The following SMARCB1 variants were observed in gnomAD, a reference collection of about 807,000 sequenced individuals.
SMARCB1 encodes the protein SWI/SNF-related matrix-associated actin-dependent regulator of chromatin subfamily B member 1.
Under a neutral mutation model 49.0 loss-of-function variants are expected in SMARCB1, and 5 were observed. The ratio of observed to expected loss-of-function variants is 0.10; its 90% confidence interval spans 0.05 to 0.21. The LOEUF (loss-of-function observed/expected upper bound fraction) is 0.21. SMARCB1 is among the 10% of genes least tolerant of loss of function. The pLI is 1.00. For missense variants in SMARCB1, 226 were observed against 509.2 expected (o/e 0.44, Z 5.35); for synonymous variants, 201 against 200.1 (o/e 1.00, Z -0.04).
At chr22:23,799,679 A>ATTTTTTTTCTTTT (rs1929015668) in intron 3 of SMARCB1, among the ~76,000 whole-genome samples, 1 of 68,406 alleles carries the variant, frequency 1.5e-5, no homozygotes, top group Non-Finnish European at 2.7e-5. Context: ...CACCTGGCTA[A>ATTTTTTTTCTTTT]TTTTTTTTTT....
intron 7 of SMARCB1, among the ~76,000 whole-genome samples, chr22:23,830,018 C>T (rs1373915329): frequency 6.6e-6 from 1 of 152,206 alleles, no homozygotes; most frequent in African/African-American, 2.4e-5. Flanking sequence ...TGAATATTAT[C>T]TCATTGCATG....
rs766691500 is a variant in SMARCB1 at position 23,800,932 on chromosome 22, G to A, written c.363-12G>A. The A allele has an allele frequency of 6.2e-6, 10 of 1,609,490 alleles. No individual in the cohort carries two copies. The highest frequency in any genetic ancestry group is 2.2e-5 in the East Asian group (1 of 44,870). On this transcript the variant is annotated splice_polypyrimidine_tract_variant and intron_variant, in intron 3 of 8. Coordinates refer to ENST00000644036, the MANE Select transcript of SMARCB1 (RefSeq NM_003073.5). ...TATACTGACTGGGAGGACTTTTCTT[G>A]TATCTCCTCAGGGAACAGAAGGCCA...
chr22:23,807,222 G>A (rs1844118426), intron 5 of SMARCB1, among the ~76,000 whole-genome samples: 1 of 152,228 alleles, frequency 6.6e-6, no homozygotes, highest in Non-Finnish European at 1.5e-5. Flanking sequence ...AGGCAAAGGA[G>A]TGATTAGGGC....
chr22:23,787,231 A>G lies in SMARCB1; in HGVS notation c.62A>G (p.Asp21Gly), dbSNP rs2145952092. 6.2e-7 allele frequency: 1 copy of G among 1,607,852 alleles called. No individual in the cohort carries two copies. Residue 21 changes from aspartate to glycine, a missense_variant, in exon 1 of 9, where the codon GAC becomes GGC. Asp to Gly is a moderately conservative substitution (Grantham distance 94). Around this residue, in one of 6 missense-constraint regions of SMARCB1, gnomAD observed 37 missense variants for 36.9 expected, o/e 1.00. Transcript: ENST00000644036. ...AAGCCCGTGAAGTTCCAGCTGGAGGACGACGGCGAGTTCTACATGATCGGC... is the reference window on the plus strand; with the variant it reads ...AAGCCCGTGAAGTTCCAGCTGGAGGGCGACGGCGAGTTCTACATGATCGGC... ...GQKPVKFQLE[D>G]DGEFYMIGSE...
rs35584578 is a variant in SMARCB1 at position 23,831,952 on chromosome 22, C to T, written c.987-1620C>T. Among the ~76,000 whole-genome samples, 296 of 152,288 alleles carry T rather than the reference C, an allele frequency of 1.9e-3. 1 individual carries two copies. The highest frequency in any genetic ancestry group is 6.3e-3 in the African/African-American group (262 of 41,546). On this transcript the variant is annotated intron_variant, in intron 7 of 8. Coordinates refer to ENST00000644036, the MANE Select transcript of SMARCB1 (RefSeq NM_003073.5). ...TGGCCCTGCCTCTGCGTCACCAGTA[C>T]GAGCTTGAGCTTCTGCGACTCATGA...
intron 7 of SMARCB1, among the ~76,000 whole-genome samples, chr22:23,829,582 G>T (rs1308049236): frequency 2.0e-5 from 3 of 152,196 alleles, no homozygotes; most frequent in Non-Finnish European, 4.4e-5. Flanking sequence ...GTACACGTTG[G>T]GCTGGTTGAG....
intron 2 of SMARCB1, chr22:23,792,186 G>A (rs935042841): frequency 2.4e-6 from 1 of 420,774 alleles, no homozygotes; most frequent in African/African-American, 2.0e-5. Flanking sequence ...TTTTAGGAAT[G>A]CTGCGATGCT....
At chr22:23,832,946 T>C (rs2030734761) in intron 7 of SMARCB1, among the ~76,000 whole-genome samples, 1 of 151,910 alleles carries the variant, frequency 6.6e-6, no homozygotes, top group African/African-American at 2.4e-5. Flanking sequence ...GGTCCGGGGA[T>C]ACGGCTTCTG....
At chr22:23,799,512 G>GT (rs533099329) in intron 3 of SMARCB1, among the ~76,000 whole-genome samples, 70,177 of 107,764 alleles carry the variant, frequency 0.65, 24,685 homozygotes, top group Non-Finnish European at 0.75. Context: ...TCACCTTTTG[G>GT]TTTTTTTTTT....
chr22:23,803,069 TA>T (rs1311517874), intron 4 of SMARCB1: 10 of 628,580 alleles, frequency 1.6e-5, no homozygotes, highest in Non-Finnish European at 2.9e-5. Context: ...AGGTCGATTC[TA>T]TTGCAGACAG....
chr22:23,829,762 A>C (rs889128586), intron 7 of SMARCB1, among the ~76,000 whole-genome samples: 13 of 152,322 alleles, frequency 8.5e-5, no homozygotes, highest in Admixed American at 5.9e-4. Context: ...CTGTGTAACT[A>C]TCACCACTGT....
chr22:23,791,646 G>A, intron 1 of SMARCB1, 110 bp from the exon 2 acceptor site: 2 of 1,054,438 alleles, frequency 1.9e-6, no homozygotes, highest in Non-Finnish European at 2.9e-6. Flanking sequence ...TGGCGCCTGG[G>A]GGCCACCTCA....
At chr22:23,792,886 A>G (rs1339391195) in intron 2 of SMARCB1, 2 of 163,284 alleles carry the variant, frequency 1.2e-5, no homozygotes, top group Admixed American at 1.1e-4. Context: ...CTTGGGAGAT[A>G]CCTTCCCCAT....
chr22:23,802,978 T>A, intron 4 of SMARCB1: 1 of 453,448 alleles, frequency 2.2e-6, no homozygotes. Context: ...TCCTTTCCCA[T>A]AGCCTTCCAT....
At position 23,824,835 on chromosome 22, in the gene SMARCB1, AG is replaced by A. The variant is rs1483695795; in HGVS notation, c.796-387del. The A allele has an allele frequency of 9.1e-5, 30 of 328,544 alleles. No homozygotes were observed. In the East Asian group the frequency reaches 1.7e-3, roughly 19 times the overall value. 20.4% of individuals were successfully genotyped at this position (328,544 alleles called of 1,614,324 possible). A position where few individuals can be genotyped will look rare whatever the true frequency, so the allele number is the denominator to read the frequency against. The stretch of plus-strand genomic sequence containing the variant: ...TAGACATTGGCTCAAGACAGGGCTT[AG>A]GGATGCCTTAGCTGAGCCCTGCCTT... On this transcript the variant is annotated intron_variant, in intron 6 of 8. Coordinates refer to ENST00000644036, the MANE Select transcript of SMARCB1 (RefSeq NM_003073.5).
intron 7 of SMARCB1, among the ~76,000 whole-genome samples, chr22:23,832,634 C>G (rs1188410647): frequency 1.3e-5 from 2 of 152,204 alleles, no homozygotes; most frequent in African/African-American, 4.8e-5. Context: ...AACTGGGAAA[C>G]ACTGTCAGCA....
intron 4 of SMARCB1, chr22:23,802,948 C>T: frequency 2.5e-6 from 1 of 394,268 alleles, no homozygotes; most frequent in Non-Finnish European, 4.8e-6. Context: ...AGAATATTTC[C>T]TCTTCTGGAA....
At chr22:23,788,930 A>G (rs920229178) in intron 1 of SMARCB1, among the ~76,000 whole-genome samples, 5 of 149,832 alleles carry the variant, frequency 3.3e-5, no homozygotes, top group African/African-American at 4.9e-5. Flanking sequence ...GCTCACTGCA[A>G]CCTCCGCCTC....
chr22:23,829,677 G>A (rs2030558381), intron 7 of SMARCB1, among the ~76,000 whole-genome samples: 1 of 152,214 alleles, frequency 6.6e-6, no homozygotes, highest in African/African-American at 2.4e-5. Flanking sequence ...CAGCTTTATT[G>A]TGATATAATT....
Sources: gnomAD v4.1 joint callset for allele counts (sites outside exome capture counted in the v4.1 genomes callset) on GRCh38, gnomAD v4.1.1 for gene constraint, gnomAD v4.1.1 regional missense constraint, MANE v1.5 for transcripts, NCBI Gene and HGNC (gene_info 2026-07-23, HGNC 2026-07-21) for gene names.